Variants in NDRG2 observed in about 807,000 individuals in gnomAD.
The protein encoded by NDRG2 is NDRG family member 2.
NDRG2 carries 34 observed loss-of-function variants against 58.2 expected under a neutral mutation model. That is an observed-to-expected ratio of 0.58 (90% CI 0.44 to 0.78). NDRG2 has a LOEUF of 0.78. NDRG2 is among the 30% of genes least tolerant of loss of function. The probability of loss-of-function intolerance (pLI) is 0.00; values close to 1 mark genes in which losing one functional copy is unlikely to be tolerated. For synonymous variants in NDRG2, 187 were observed against 175.9 expected, an observed-to-expected ratio of 1.06 and a Z score of -0.50; for missense variants, 434 against 471.2, an observed-to-expected ratio of 0.92 and a Z score of 0.73.
intron 1 of NDRG2, among the ~76,000 whole-genome samples, chr14:21,035,368 G>A (rs1263374132): frequency 1.3e-5 from 2 of 152,220 alleles, no homozygotes; most frequent in Admixed American, 6.5e-5. Flanking sequence ...GTTTCGTACT[G>A]TTGGTTGATC....
At chr14:21,043,604 G>C (rs544483466) in intron 1 of NDRG2, 1 of 648,992 alleles carries the variant, frequency 1.5e-6, no homozygotes, top group East Asian at 2.7e-5. Flanking sequence ...GGCTGAAGCT[G>C]ACACTCTGGT....
intron 11 of NDRG2, 42 bp from the exon 12 acceptor site, chr14:21,018,856 A>G (rs1878437283): frequency 1.2e-6 from 2 of 1,611,934 alleles, no homozygotes; most frequent in Non-Finnish European, 1.7e-6. Context: ...AGCCCCTGGC[A>G]CTCCCTCACT....
intron 12 of NDRG2, 56 bp downstream of exon 12, chr14:21,018,707 C>G (rs1405813727): frequency 1.9e-6 from 3 of 1,610,872 alleles, no homozygotes; most frequent in Non-Finnish European, 2.5e-6. Flanking sequence ...CTCTTCTGAC[C>G]ACCACTTTAG....
chr14:21,034,116 T>TA (rs1884450245), intron 1 of NDRG2: 1 of 1,614,110 alleles, frequency 6.2e-7, no homozygotes, highest in Non-Finnish European at 8.5e-7. Flanking sequence ...GCCTCGCATA[T>TA]AGGACATCAG....
At chr14:21,036,813 G>A (rs955597670) in intron 1 of NDRG2, among the ~76,000 whole-genome samples, 5 of 152,312 alleles carry the variant, frequency 3.3e-5, no homozygotes, top group East Asian at 3.9e-4. Flanking sequence ...GGAAGACCTC[G>A]CCAAGGAAGT....
intron 1 of NDRG2, chr14:21,035,932 G>A (rs1594488081): frequency 2.6e-5 from 11 of 429,860 alleles, no homozygotes; most frequent in Non-Finnish European, 4.2e-5. Context: ...ATTGAATCCT[G>A]CCTCTGCAGC....
chr14:21,032,035 T>C, intron 1 of NDRG2: 1 of 1,614,002 alleles, frequency 6.2e-7, no homozygotes, highest in Non-Finnish European at 8.5e-7. Context: ...GCTATGTGAG[T>C]GGTTACAAGG....
chr14:21,056,658 C>T (rs191644901), intron 1 of NDRG2, among the ~76,000 whole-genome samples: 2 of 152,328 alleles, frequency 1.3e-5, no homozygotes, highest in Admixed American at 1.3e-4. Context: ...AACAGAGACA[C>T]ACTCACTCTG....
chr14:21,036,278 A>G (rs1415377598), intron 1 of NDRG2: 2 of 456,178 alleles, frequency 4.4e-6, no homozygotes, highest in Non-Finnish European at 8.8e-6. Flanking sequence ...ACTTCAAGAG[A>G]AAAAGTGTGA....
rs781544238 is a variant in NDRG2 at position 21,023,271 on chromosome 14, C to T, written c.45G>A (p.Leu15=). ...CCGCCTCAGGCGTCTGTCCTGGCAA[C>T]AGTGGCTTCTCCTCTGTGATCTGCA... ...QEVQITEEKP[L]LPGQTPEAAK... The change falls in exon 2 of 16, where the codon CTG becomes CTA. Residue 15 remains leucine, a synonymous_variant. Transcript: ENST00000556147. The T allele has an allele frequency of 3.7e-6, 6 of 1,613,898 alleles. No homozygotes were observed. Among genetic ancestry groups the T allele is most frequent in the Admixed American group, 1.7e-5 (1 of 59,982 alleles).
chr14:21,033,285 G>A (rs1043252952), intron 1 of NDRG2: 4 of 315,634 alleles, frequency 1.3e-5, no homozygotes, highest in South Asian at 8.1e-5. Flanking sequence ...TGGAAACTGG[G>A]GGTTGTGGGG....
intron 1 of NDRG2, among the ~76,000 whole-genome samples, chr14:21,063,680 A>G (rs1886096680): frequency 6.6e-6 from 1 of 152,186 alleles, no homozygotes; most frequent in Non-Finnish European, 1.5e-5. Context: ...GGGTCTGCCA[A>G]TGAGAGCTGA....
intron 1 of NDRG2, among the ~76,000 whole-genome samples, chr14:21,050,333 A>G (rs180682620): frequency 6.6e-6 from 1 of 152,170 alleles, no homozygotes; most frequent in Non-Finnish European, 1.5e-5. Context: ...ATAAATAAGG[A>G]TATGCAACAA....
At position 21,034,983 on chromosome 14, in the gene NDRG2, C is replaced by T. The variant is rs569656916; in HGVS notation, c.25-11662G>A. ...TTTTCTCTGTTCCATAGCCTGTGCTCTCGTGGCAAGGTGAGTAGGAAAGCA... is the reference window on the plus strand; with the variant it reads ...TTTTCTCTGTTCCATAGCCTGTGCTTTCGTGGCAAGGTGAGTAGGAAAGCA... On this transcript the variant is annotated intron_variant, in intron 1 of 14. Coordinates refer to the NDRG2 transcript ENST00000403829. Among the ~76,000 whole-genome samples the T allele has an allele frequency of 8.5e-5, 13 of 152,342 alleles. No homozygotes were observed. The South Asian group carries it at 2.3e-3, about 27-fold the overall frequency.
At position 21,070,464 on chromosome 14, in the gene NDRG2, A is replaced by G; in HGVS notation, c.24+364T>C. The G allele has an allele frequency of 7.4e-7, 1 of 1,348,630 alleles. No individual in the cohort carries two copies. Among genetic ancestry groups the G allele is most frequent in the Non-Finnish European group, 9.5e-7 (1 of 1,055,996 alleles). The allele number at this position is 1,348,630 out of a possible 1,614,324, so 83.5% of individuals were successfully genotyped here. On this transcript the variant is annotated intron_variant, in intron 1 of 14. Coordinates refer to the NDRG2 transcript ENST00000403829. The surrounding 1 kb of genome is among the most constrained non-coding windows in gnomAD (Gnocchi z 4.7). Reference sequence around the variant, plus strand: ...TCGCGCAGCCCGCTCCGGGCCCCCAAGTCCTCAGCCTGGTGCCTCCCGAGC... The same window carrying G: ...TCGCGCAGCCCGCTCCGGGCCCCCAGGTCCTCAGCCTGGTGCCTCCCGAGC...
chr14:21,063,152 C>CA (rs1418026087), intron 1 of NDRG2, among the ~76,000 whole-genome samples: 1 of 151,588 alleles, frequency 6.6e-6, no homozygotes, highest in Non-Finnish European at 1.5e-5. Context: ...AAAGCAAAAA[C>CA]AAAAAACGGA....
chr14:21,018,681 T>G, intron 12 of NDRG2, 82 bp downstream of exon 12: 1 of 1,602,600 alleles, frequency 6.2e-7, no homozygotes, highest in Non-Finnish European at 8.5e-7. Context: ...AAACAGGACA[T>G]CCCCTTGGCA....
intron 1 of NDRG2, chr14:21,043,532 C>A: frequency 9.6e-7 from 1 of 1,042,700 alleles, no homozygotes; most frequent in Admixed American, 2.3e-5. Context: ...CACTCCCCTA[C>A]ACCCAGAGCA....
intron 1 of NDRG2, among the ~76,000 whole-genome samples, chr14:21,055,954 T>C (rs928690535): frequency 6.6e-6 from 1 of 152,086 alleles, no homozygotes; most frequent in Non-Finnish European, 1.5e-5. Context: ...CAAAAATCAA[T>C]GTTTTGTTTG....
Sources: allele counts gnomAD v4.1 joint callset (sites outside exome capture counted in the v4.1 genomes callset), GRCh38; gene constraint gnomAD v4.1.1; non-coding constraint Gnocchi (gnomAD v3.1); transcripts MANE v1.5; gene names NCBI Gene and HGNC (gene_info 2026-07-23, HGNC 2026-07-21).